PALS2: variants seen among roughly 807,000 people sequenced by gnomAD.
PALS2 encodes the protein protein associated with LIN7 2, MAGUK p55 family member.
A neutral mutation model predicts 61.6 loss-of-function variants in PALS2; 27 were observed. The observed-to-expected ratio is 0.44, with a 90% CI of 0.32 to 0.60. The LOEUF is 0.60. Among genes scored for constraint, PALS2 ranks in the 20% least tolerant of loss-of-function variants. The pLI is 0.05. For synonymous variants in PALS2, 236 were observed against 218.6 expected, an observed-to-expected ratio of 1.08 and a Z score of -0.70; for missense variants, 554 against 639.4, an observed-to-expected ratio of 0.87 and a Z score of 1.44.
chr7:24,602,111 A>G (rs1326687032), intron 1 of PALS2, among the ~76,000 whole-genome samples: 4 of 151,298 alleles, frequency 2.6e-5, no homozygotes, highest in African/African-American at 9.7e-5. Context: ...GTGCTTTTCT[A>G]CTTTTTGTGG....
chr7:24,625,813 G>A (rs1347187836), intron 2 of PALS2, among the ~76,000 whole-genome samples: 1 of 152,074 alleles, frequency 6.6e-6, no homozygotes, highest in African/African-American at 2.4e-5. Flanking sequence ...CAACATTCAG[G>A]CAGATTCTTA....
At chr7:24,635,326 G>T (rs1218952607) in intron 2 of PALS2, among the ~76,000 whole-genome samples, 1 of 152,050 alleles carries the variant, frequency 6.6e-6, no homozygotes, top group Non-Finnish European at 1.5e-5. Flanking sequence ...GAATGGATTT[G>T]TTTTTTAAAT....
At chr7:24,641,098 GA>G (rs1243949564) in intron 2 of PALS2, among the ~76,000 whole-genome samples, 1 of 148,066 alleles carries the variant, frequency 6.8e-6, no homozygotes, top group African/African-American at 2.5e-5. Context: ...GTGAGATTAA[GA>G]AAAAAACAAC....
chr7:24,603,870 A>T (rs1211708001), intron 1 of PALS2, among the ~76,000 whole-genome samples: 3 of 152,220 alleles, frequency 2.0e-5, no homozygotes, highest in Non-Finnish European at 4.4e-5. Context: ...TAATAAATCT[A>T]GAGTTACTGT....
At chr7:24,651,588 G>A (rs1206265034) in intron 5 of PALS2, among the ~76,000 whole-genome samples, 2 of 152,178 alleles carry the variant, frequency 1.3e-5, no homozygotes, top group African/African-American at 4.8e-5. Flanking sequence ...CAGTAGTGGT[G>A]AAATGGAACC....
chr7:24,581,961 T>G (rs1782862020), intron 1 of PALS2, among the ~76,000 whole-genome samples: 1 of 152,224 alleles, frequency 6.6e-6, no homozygotes, highest in South Asian at 2.1e-4. Context: ...GTCAGTCTTT[T>G]CTTTAAGTAT....
Position 24,679,157 on chromosome 7 carries a change from G to A in PALS2, c.1141G>A (p.Glu381Lys). ...PFTSRKPRED[E>K]KDGQAYKFVS... The stretch of plus-strand genomic sequence containing the variant: ...TACTTCACGGAAACCAAGGGAAGAT[G>A]AAAAAGATGGCCAGGCATATAAGTT... The change falls in exon 10 of 12, where the codon GAA (glutamate) becomes AAA (lysine). Residue 381 changes from glutamate to lysine, a missense_variant. Coordinates refer to ENST00000222644, the MANE Select transcript of PALS2 (RefSeq NM_001303037.2). 1.2e-6 allele frequency: 2 copies of A among 1,613,916 alleles called. No individual in the cohort carries two copies. Among genetic ancestry groups the A allele is most frequent in the Admixed American group, 1.7e-5 (1 of 60,026 alleles).
At chr7:24,668,809 A>C in intron 9 of PALS2, 149 bp downstream of exon 9, 2 of 971,126 alleles carry the variant, frequency 2.1e-6, no homozygotes, top group Non-Finnish European at 3.0e-6. Flanking sequence ...GACATTGAAA[A>C]ATTTAGTAAT....
intron 9 of PALS2, among the ~76,000 whole-genome samples, chr7:24,671,024 T>A (rs79966096): frequency 0.069 from 10,521 of 152,244 alleles, 449 homozygotes; most frequent in African/African-American, 0.11. Flanking sequence ...TATGCCTGTT[T>A]CTCTTGGGTA....
At chr7:24,675,079 C>T (rs940987497) in intron 9 of PALS2, among the ~76,000 whole-genome samples, 3 of 151,996 alleles carry the variant, frequency 2.0e-5, no homozygotes, top group Non-Finnish European at 4.4e-5. Flanking sequence ...TATGTGGCAA[C>T]GTAGATTGTT....
intron 5 of PALS2, among the ~76,000 whole-genome samples, chr7:24,661,331 GAA>G (rs577738040): frequency 1.9e-4 from 27 of 142,426 alleles, no homozygotes; most frequent in African/African-American, 6.9e-4. Flanking sequence ...TTTAATTAAT[GAA>G]AAAAAAAAAA....
intron 1 of PALS2, among the ~76,000 whole-genome samples, chr7:24,599,616 C>T (rs1382572033): frequency 3.4e-5 from 5 of 148,838 alleles, no homozygotes; most frequent in East Asian, 3.9e-4. Flanking sequence ...GTGATTTTCC[C>T]GTCCCAGCCT....
intron 5 of PALS2, among the ~76,000 whole-genome samples, chr7:24,662,752 G>A (rs1305222337): frequency 1.5e-5 from 2 of 131,052 alleles, no homozygotes; most frequent in African/African-American, 5.4e-5. Context: ...CTGGGTGAAA[G>A]AGTGAGACTC....
intron 1 of PALS2, among the ~76,000 whole-genome samples, chr7:24,592,753 G>A (rs967301361): frequency 3.3e-5 from 5 of 152,032 alleles, no homozygotes; most frequent in African/African-American, 1.2e-4. Context: ...ATAGCATTAT[G>A]ACTAAAAAAT....
chr7:24,649,808 C>T, intron 4 of PALS2, 44 bp downstream of exon 4: 1 of 1,461,132 alleles, frequency 6.8e-7, no homozygotes, highest in South Asian at 1.5e-5. Context: ...TGAAATATGA[C>T]ATAATTTGTG....
chr7:24,693,142 G>T lies in PALS2; in HGVS notation c.*5528G>T, dbSNP rs1278107003. ...TGTAAATGGAATGAACACATCTATA[G>T]TTAAGGTAAATGCCACCAATCAGAA... On this transcript the variant is annotated 3_prime_UTR_variant, in exon 12 of 12. Coordinates refer to ENST00000222644, the MANE Select transcript of PALS2 (RefSeq NM_001303037.2). 4 of 151,988 alleles carry T rather than the reference G, an allele frequency of 2.6e-5. No individual in the cohort carries two copies. The highest frequency in any genetic ancestry group is 9.7e-5 in the African/African-American group (4 of 41,372). 9.4% of individuals were successfully genotyped at this position (151,988 alleles called of 1,614,324 possible). A position where few individuals can be genotyped will look rare whatever the true frequency, so the allele number is the denominator to read the frequency against.
chr7:24,679,888 G>A (rs1027841620), intron 10 of PALS2, among the ~76,000 whole-genome samples: 25 of 152,164 alleles, frequency 1.6e-4, no homozygotes, highest in African/African-American at 5.8e-4. Flanking sequence ...AAGGTAATGG[G>A]TTTTCTGTTT....
intron 2 of PALS2, among the ~76,000 whole-genome samples, chr7:24,635,409 G>A (rs1002023998): frequency 6.6e-6 from 1 of 152,002 alleles, no homozygotes; most frequent in South Asian, 2.1e-4. Context: ...TATATATCTT[G>A]CATCCTTGCT....
intron 5 of PALS2, among the ~76,000 whole-genome samples, chr7:24,658,899 A>G (rs1478507456): frequency 2.6e-5 from 4 of 152,216 alleles, no homozygotes; most frequent in South Asian, 2.1e-4. Context: ...GGTCTGTTAC[A>G]TGGATAAATT....
Sources: gnomAD v4.1 joint callset for allele counts (sites outside exome capture counted in the v4.1 genomes callset) on GRCh38, gnomAD v4.1.1 for gene constraint, MANE v1.5 for transcripts, NCBI Gene and HGNC (gene_info 2026-07-23, HGNC 2026-07-21) for gene names.